RIMS1: variants seen among roughly 807,000 people sequenced by gnomAD.
The protein encoded by RIMS1 is regulating synaptic membrane exocytosis 1, also known as regulating synaptic membrane exocytosis protein 1.
A neutral mutation model predicts 214.1 loss-of-function variants in RIMS1; 83 were observed. The observed-to-expected ratio is 0.39, with a 90% CI of 0.32 to 0.47. The LOEUF (loss-of-function observed/expected upper bound fraction) is 0.47, where lower values mean the gene tolerates loss of function less well. Ranked by LOEUF, RIMS1 falls within the 20% of genes least tolerant of loss-of-function variation. The probability of loss-of-function intolerance (pLI) is 0.99; values close to 1 mark genes in which losing one functional copy is unlikely to be tolerated. For synonymous variants in RIMS1, 793 were observed against 786.8 expected (o/e 1.01, Z -0.13); for missense variants, 2,050 against 2,161.8 (o/e 0.95, Z 1.03).
chr6:72,082,879 C>A (rs1833754524), intron 2 of RIMS1, among the ~76,000 whole-genome samples: 1 of 152,174 alleles, frequency 6.6e-6, no homozygotes, highest in South Asian at 2.1e-4. Flanking sequence ...GGACATTGCA[C>A]TTCTCATTTA....
intron 2 of RIMS1, among the ~76,000 whole-genome samples, chr6:71,988,807 T>A (rs1339152726): frequency 6.6e-6 from 1 of 152,224 alleles, no homozygotes; most frequent in Non-Finnish European, 1.5e-5. Context: ...TTTTTATTTT[T>A]TATTAGAAAA....
At chr6:72,282,662 C>T (rs1042990557) in intron 23 of RIMS1, among the ~76,000 whole-genome samples, 19 of 152,064 alleles carry the variant, frequency 1.2e-4, no homozygotes, top group African/African-American at 4.1e-4. Flanking sequence ...ACTGAGTAGC[C>T]TTTCCCTGAG....
intron 2 of RIMS1, among the ~76,000 whole-genome samples, chr6:72,053,802 A>C (rs1401248630): frequency 6.6e-6 from 1 of 152,194 alleles, no homozygotes; most frequent in Non-Finnish European, 1.5e-5. Flanking sequence ...TATATATGAC[A>C]TGAATAAGTT....
At chr6:72,263,375 A>G (rs1251153744) in intron 19 of RIMS1, 1 of 983,526 alleles carries the variant, frequency 1.0e-6, no homozygotes, top group Non-Finnish European at 1.2e-6. Flanking sequence ...GTTACCACAC[A>G]CCCCTGTTAA....
chr6:72,079,109 C>A (rs1562263622), intron 2 of RIMS1, among the ~76,000 whole-genome samples: 2 of 152,060 alleles, frequency 1.3e-5, no homozygotes, highest in Non-Finnish European at 2.9e-5. Context: ...TTTAATATAA[C>A]CTCTACCTTG....
chr6:72,324,034 A>C (rs1258811832), intron 28 of RIMS1, among the ~76,000 whole-genome samples: 1 of 134,352 alleles, frequency 7.4e-6, no homozygotes, highest in Non-Finnish European at 1.6e-5. Context: ...ATGCATAGAT[A>C]GATAGATAGA....
rs542223098 is a variant in RIMS1 at position 72,206,595 on chromosome 6, G to A, written c.1678+23446G>A. Among the ~76,000 whole-genome samples, 4 of 152,176 alleles carry A rather than the reference G, an allele frequency of 2.6e-5. No homozygotes were observed. The East Asian group carries it at 7.7e-4, about 29-fold the overall frequency. On this transcript the variant is annotated intron_variant, in intron 6 of 33. Transcript: ENST00000521978. Reference sequence around the variant, plus strand: ...TTAATTTTTTCAGTGAGCGTCTGGGGGTAGTAAGAAGCCATTAGTTTGTTA... The same window carrying A: ...TTAATTTTTTCAGTGAGCGTCTGGGAGTAGTAAGAAGCCATTAGTTTGTTA...
chr6:72,263,109 G>A lies in RIMS1; in HGVS notation c.3117-1866G>A, dbSNP rs556901968. 11 of 983,464 alleles carry A rather than the reference G, an allele frequency of 1.1e-5. No individual in the cohort carries two copies. The African/African-American group carries it at 1.9e-4, about 17-fold the overall frequency. The allele number at this position is 983,464 out of a possible 1,614,324, so 60.9% of individuals were successfully genotyped here. On this transcript the variant is annotated intron_variant, in intron 19 of 33. Transcript: ENST00000521978. Reference sequence around the variant, plus strand: ...AATATGAAAACTTGTCCTATGAGATGTTTCACCAATAAGAGTTTTTGTGAG... The same window carrying A: ...AATATGAAAACTTGTCCTATGAGATATTTCACCAATAAGAGTTTTTGTGAG...
intron 2 of RIMS1, among the ~76,000 whole-genome samples, chr6:71,975,620 A>T (rs1030226198): frequency 2.0e-5 from 3 of 152,154 alleles, no homozygotes; most frequent in Admixed American, 6.6e-5. Context: ...CTTTTTAAAG[A>T]GTACAATTTA....
chr6:71,968,763 C>T (rs2151334210), intron 1 of RIMS1, among the ~76,000 whole-genome samples: 1 of 152,312 alleles, frequency 6.6e-6, no homozygotes, highest in Middle Eastern at 3.4e-3. Flanking sequence ...AAGTCAAATA[C>T]AGAGGCTAGC....
In RIMS1 at chr6:72,376,947, C is replaced by T. The variant is rs117756413; in HGVS notation, c.4367-13651C>T. 2.2e-3 allele frequency among the ~76,000 whole-genome samples: 330 copies of T among 152,206 alleles called. 1 individual carries two copies. The highest frequency in any genetic ancestry group is 0.01 in the Middle Eastern group (3 of 294). ...GTTTACGAAGCATGGGACAGTTTTA[C>T]GCTTGAGAGATTCTAGGCTTACTGG... On this transcript the variant is annotated intron_variant, in intron 29 of 33. Transcript: ENST00000521978.
chr6:71,926,962 TG>T (rs971718011), intron 1 of RIMS1, among the ~76,000 whole-genome samples: 3 of 152,176 alleles, frequency 2.0e-5, no homozygotes, highest in African/African-American at 7.2e-5. Flanking sequence ...ACCCAATAAA[TG>T]GCAAACCAAG....
intron 2 of RIMS1, among the ~76,000 whole-genome samples, chr6:71,973,953 G>A (rs989817343): frequency 2.0e-5 from 3 of 152,100 alleles, no homozygotes; most frequent in African/African-American, 7.2e-5. Context: ...AGAGCAAGGG[G>A]GCACTAGCTC....
intron 2 of RIMS1, among the ~76,000 whole-genome samples, chr6:72,053,516 A>T (rs947316097): frequency 6.6e-6 from 1 of 152,152 alleles, no homozygotes; most frequent in Non-Finnish European, 1.5e-5. Context: ...AGGAGTAAAG[A>T]TTACACAGAA....
Position 72,251,277 on chromosome 6 carries a change from A to C in RIMS1, c.2607A>C (p.Thr869=). The change falls in exon 15 of 34, where the codon ACA becomes ACC. Residue 869 remains threonine (T), a synonymous_variant. Coordinates refer to ENST00000521978, the MANE Select transcript of RIMS1 (RefSeq NM_014989.7). ...AACCGCATTGGTATAAACTTCAGAC[A>C]CATGATGAGTCTTCACTACCTCTGC... The part of the protein sequence containing the change: ...DDEPHWYKLQ[T]HDESSLPLPQ... The C allele has an allele frequency of 6.3e-7, 1 of 1,598,710 alleles. No individual in the cohort carries two copies. The highest frequency in any genetic ancestry group is 8.5e-7 in the Non-Finnish European group (1 of 1,171,682).
At chr6:72,265,809 ACT>A in intron 21 of RIMS1, 149 bp from the exon 22 acceptor site, 1 of 611,150 alleles carries the variant, frequency 1.6e-6, no homozygotes, top group South Asian at 2.2e-5. Context: ...CATTCTGTCA[ACT>A]CTCTCACACC....
At chr6:72,040,068 AAC>A (rs749100517) in intron 2 of RIMS1, among the ~76,000 whole-genome samples, 1 of 152,116 alleles carries the variant, frequency 6.6e-6, no homozygotes, top group Non-Finnish European at 1.5e-5. Context: ...TTTAGCTACT[AAC>A]ACAAAAAATT....
At chr6:72,283,114 T>C (rs1470422432) in intron 23 of RIMS1, among the ~76,000 whole-genome samples, 4 of 152,044 alleles carry the variant, frequency 2.6e-5, no homozygotes, top group African/African-American at 9.7e-5. Flanking sequence ...CTCAACATTG[T>C]TGGGAGAAAG....
At chr6:72,041,159 T>C (rs1196996003) in intron 2 of RIMS1, among the ~76,000 whole-genome samples, 2 of 151,896 alleles carry the variant, frequency 1.3e-5, no homozygotes, top group African/African-American at 2.4e-5. Context: ...TATTCAATTT[T>C]GAAAAAATAA....
Sources: gnomAD v4.1 joint callset for allele counts (sites outside exome capture counted in the v4.1 genomes callset) on GRCh38, gnomAD v4.1.1 for gene constraint, MANE v1.5 for transcripts, NCBI Gene and HGNC (gene_info 2026-07-23, HGNC 2026-07-21) for gene names.